The following ADAMTS6 variants were observed in gnomAD, a reference collection of about 807,000 sequenced individuals.
ADAMTS6 encodes A disintegrin and metalloproteinase with thrombospondin motifs 6.
Under a neutral mutation model 144.3 loss-of-function variants are expected in ADAMTS6, and 23 were observed. The ratio of observed to expected loss-of-function variants is 0.16; its 90% CI spans 0.11 to 0.23. ADAMTS6 has a LOEUF of 0.23. Ranked by LOEUF, ADAMTS6 falls within the 10% of genes least tolerant of loss-of-function variation. The pLI, the probability that ADAMTS6 is intolerant of heterozygous loss-of-function variation, is 1.00. For missense variants in ADAMTS6, 999 were observed against 1,379.6 expected, an observed-to-expected ratio of 0.72 and a Z score of 4.37; for synonymous variants, 444 against 457.5, an observed-to-expected ratio of 0.97 and a Z score of 0.38.
intron 3 of ADAMTS6, among the ~76,000 whole-genome samples, chr5:65,468,652 T>A (rs1466245592): frequency 9.9e-5 from 15 of 152,088 alleles, no homozygotes; most frequent in Non-Finnish European, 4.4e-5. Context: ...AGAGACGAAG[T>A]AAAATAGGTG....
chr5:65,364,910 C>T (rs1317363650), intron 7 of ADAMTS6, among the ~76,000 whole-genome samples: 1 of 152,100 alleles, frequency 6.6e-6, no homozygotes, highest in Admixed American at 6.6e-5. Context: ...AGATATGATG[C>T]TCAAATCAGA....
At chr5:65,332,273 G>A (rs920880384) in intron 8 of ADAMTS6, among the ~76,000 whole-genome samples, 1 of 141,948 alleles carries the variant, frequency 7.0e-6, no homozygotes, top group African/African-American at 2.6e-5. Context: ...TATATATAGG[G>A]AGAGACAGTG....
intron 11 of ADAMTS6, among the ~76,000 whole-genome samples, chr5:65,280,177 G>A (rs560409220): frequency 5.3e-5 from 8 of 152,154 alleles, no homozygotes; most frequent in Non-Finnish European, 1.0e-4. Context: ...GCTGGCATTT[G>A]TTCCCAGCAT....
chr5:65,472,876 G>A (rs1760568950), intron 2 of ADAMTS6, among the ~76,000 whole-genome samples: 2 of 152,128 alleles, frequency 1.3e-5, no homozygotes, highest in African/African-American at 4.8e-5. Context: ...TAATAGTCTT[G>A]AAAATCTGGT....
intron 7 of ADAMTS6, among the ~76,000 whole-genome samples, chr5:65,399,660 C>T (rs1015850763): frequency 3.3e-5 from 5 of 152,060 alleles, no homozygotes; most frequent in African/African-American, 1.2e-4. Context: ...TAATTCCTTC[C>T]TCCTTTCCCT....
intron 10 of ADAMTS6, among the ~76,000 whole-genome samples, chr5:65,294,250 C>T (rs1483722507): frequency 6.6e-6 from 1 of 152,142 alleles, no homozygotes; most frequent in East Asian, 1.9e-4. Flanking sequence ...GATGGGATCT[C>T]GCTTTGTCAC....
At chr5:65,409,998 A>G (rs1028084334) in intron 7 of ADAMTS6, among the ~76,000 whole-genome samples, 24 of 152,362 alleles carry the variant, frequency 1.6e-4, no homozygotes, top group South Asian at 1.4e-3. Context: ...TCTAGAAAGA[A>G]AAAACACAGT....
intron 7 of ADAMTS6, among the ~76,000 whole-genome samples, chr5:65,402,886 C>T (rs1330366988): frequency 6.6e-6 from 1 of 152,168 alleles, no homozygotes; most frequent in Non-Finnish European, 1.5e-5. Context: ...ATGGACTCTT[C>T]AGCCTGACTT....
intron 11 of ADAMTS6, among the ~76,000 whole-genome samples, chr5:65,275,416 A>AAAGG (rs1491241170): frequency 1.1e-3 from 146 of 137,074 alleles, no homozygotes; most frequent in African/African-American, 3.9e-3. Flanking sequence ...AGAAAGAAAG[A>AAAGG]AAAGAAAGAA....
chr5:65,401,345 C>G (rs1486066865), intron 7 of ADAMTS6, among the ~76,000 whole-genome samples: 1 of 152,126 alleles, frequency 6.6e-6, no homozygotes, highest in African/African-American at 2.4e-5. Context: ...ATCAGTTAGG[C>G]TCTGATCAAA....
intron 7 of ADAMTS6, among the ~76,000 whole-genome samples, chr5:65,442,859 G>A (rs189780643): frequency 5.1e-4 from 78 of 152,190 alleles, no homozygotes; most frequent in Admixed American, 1.4e-3. Flanking sequence ...GCCCCAGTGT[G>A]TGTTGTTCCC....
intron 9 of ADAMTS6, among the ~76,000 whole-genome samples, chr5:65,305,557 A>T (rs1743861352): frequency 7.3e-6 from 1 of 137,186 alleles, no homozygotes; most frequent in Non-Finnish European, 1.5e-5. Context: ...TAATAATTTA[A>T]AAAAAGAAGA....
chr5:65,325,445 T>G (rs1580399634), intron 9 of ADAMTS6, among the ~76,000 whole-genome samples: 1 of 152,076 alleles, frequency 6.6e-6, no homozygotes, highest in Admixed American at 6.6e-5. Context: ...ATACTGATAT[T>G]TACTTCCTAA....
chr5:65,383,663 T>C (rs554874509), intron 7 of ADAMTS6, among the ~76,000 whole-genome samples: 1 of 152,066 alleles, frequency 6.6e-6, no homozygotes, highest in African/African-American at 2.4e-5. Context: ...GGGCTGGAAA[T>C]GCACTTTGAT....
At chr5:65,471,911 C>G (rs1304861412) in intron 2 of ADAMTS6, among the ~76,000 whole-genome samples, 2 of 152,084 alleles carry the variant, frequency 1.3e-5, no homozygotes, top group Admixed American at 6.5e-5. Context: ...GGTATATACA[C>G]AATAGAAATG....
intron 1 of ADAMTS6, among the ~76,000 whole-genome samples, chr5:65,478,618 T>C (rs1036647782): frequency 6.6e-6 from 1 of 152,104 alleles, no homozygotes; most frequent in Admixed American, 6.5e-5. Context: ...TCAAAGCCCT[T>C]CCTTCAAAAA....
At chr5:65,175,408 C>A (rs1380082952) in intron 22 of ADAMTS6, among the ~76,000 whole-genome samples, 2 of 142,544 alleles carry the variant, frequency 1.4e-5, no homozygotes, top group Non-Finnish European at 3.1e-5. Context: ...GAAAAAAAAA[C>A]AGTGTACCCT....
intron 7 of ADAMTS6, among the ~76,000 whole-genome samples, chr5:65,340,222 T>C (rs1417621197): frequency 6.6e-6 from 1 of 151,878 alleles, no homozygotes; most frequent in Non-Finnish European, 1.5e-5. Context: ...AAGGTGTATT[T>C]AAAGCACTGA....
At chr5:65,375,869 C>G (rs1457686127) in intron 7 of ADAMTS6, among the ~76,000 whole-genome samples, 1 of 152,100 alleles carries the variant, frequency 6.6e-6, no homozygotes, top group African/African-American at 2.4e-5. Flanking sequence ...CCCAAATGTC[C>G]AACAATGATA....
Sources: gnomAD v4.1 joint callset for allele counts (sites outside exome capture counted in the v4.1 genomes callset) on GRCh38, gnomAD v4.1.1 for gene constraint, MANE v1.5 for transcripts, NCBI Gene and HGNC (gene_info 2026-07-23, HGNC 2026-07-21) for gene names.